Variants in FAT2 observed in about 807,000 individuals in gnomAD.
The protein encoded by FAT2 is FAT atypical cadherin 2.
A neutral mutation model predicts 295.3 loss-of-function variants in FAT2; 150 were observed. That is an observed-to-expected ratio of 0.51 (90% CI 0.44 to 0.58). The LOEUF (loss-of-function observed/expected upper bound fraction) is 0.58, where lower values mean the gene tolerates loss of function less well. Among genes scored for constraint, FAT2 ranks in the 20% least tolerant of loss-of-function variants. The pLI is 0.00. For synonymous variants in FAT2, 2,026 were observed against 2,150.3 expected (o/e 0.94, Z 1.60); for missense variants, 4,868 against 5,442.7 (o/e 0.89, Z 3.32).
intron 22 of FAT2, 143 bp downstream of exon 22, chr5:151,509,878 A>C: frequency 2.1e-6 from 2 of 933,524 alleles, no homozygotes; most frequent in Non-Finnish European, 3.2e-6. Flanking sequence ...GTTGGGGACC[A>C]CTGCCCTAAC....
At chr5:151,572,549 G>C (rs1007790319) in intron 1 of FAT2, among the ~76,000 whole-genome samples, 1 of 152,166 alleles carries the variant, frequency 6.6e-6, no homozygotes, top group East Asian at 1.9e-4. Flanking sequence ...ACCTTAGAAA[G>C]TTACTCAATA....
chr5:151,567,180 C>A lies in FAT2; in HGVS notation c.1752G>T (p.Met584Ile), dbSNP rs1458465097. ...CATCCACATCTATGGCTGACATAGT[C>A]ATTATCGATTTCCCTACTGGCCAGT... is the stretch of plus-strand genomic sequence containing the variant. ...RQDWPVGKSIMTMSAIDVDEL... is the reference protein window; with the variant it reads ...RQDWPVGKSIITMSAIDVDEL... The change falls in exon 2 of 24, where the codon ATG becomes ATT. Residue 584 changes from methionine (M) to isoleucine (I), a missense_variant. Physicochemically the swap from Met to Ile is conservative, Grantham distance 10. Coordinates refer to ENST00000261800, the MANE Select transcript of FAT2 (RefSeq NM_001447.3). 6.2e-7 allele frequency: 1 copy of A among 1,614,164 alleles called. No homozygotes were observed. Among genetic ancestry groups the A allele is most frequent in the South Asian group, 1.1e-5 (1 of 91,074 alleles).
At chr5:151,541,094 A>G (rs572967116) in intron 10 of FAT2, among the ~76,000 whole-genome samples, 1 of 152,370 alleles carries the variant, frequency 6.6e-6, no homozygotes, top group Admixed American at 6.5e-5. Context: ...ATAAATGTCT[A>G]AGATGCATAG....
intron 1 of FAT2, among the ~76,000 whole-genome samples, chr5:151,573,153 C>T (rs1758602901): frequency 6.6e-6 from 1 of 152,230 alleles, no homozygotes; most frequent in African/African-American, 2.4e-5. Flanking sequence ...GCTAACAACA[C>T]ACAGGCTCTG....
intron 1 of FAT2, among the ~76,000 whole-genome samples, chr5:151,584,561 C>T (rs1222192731): frequency 1.3e-5 from 2 of 152,190 alleles, no homozygotes; most frequent in African/African-American, 2.4e-5. Context: ...TTAGTACTCC[C>T]TTGGCTGCAC....
In FAT2 at chr5:151,568,554, C is replaced by G. The variant is rs1758390317; in HGVS notation, c.378G>C (p.Leu126Phe). 2 of 1,614,124 alleles carry G rather than the reference C, an allele frequency of 1.2e-6. No individual in the cohort carries two copies. Among genetic ancestry groups the G allele is most frequent in the African/African-American group, 1.3e-5 (1 of 75,032 alleles). ...CCACACGGGTCAAAGCTTCCAACTC[C>G]AAGGTCTTCTCTGTGGCTTGGATGA... The part of the protein sequence containing the change: ...TLIIQATEKT[L>F]ELEALTRVVV... The change falls in exon 2 of 24, where the codon TTG becomes TTC. Residue 126 changes from leucine to phenylalanine, a missense_variant. Around this residue, in one of 5 missense-constraint regions of FAT2, gnomAD observed 3,297 missense variants for 3,669.4 expected, o/e 0.90. Transcript: ENST00000261800.
rs1465673728 is a variant in FAT2, at chr5:151,506,071, G to A, written c.12544C>T (p.Pro4182Ser). 4 of 1,533,480 alleles carry A rather than the reference G, an allele frequency of 2.6e-6. No homozygotes were observed. In the South Asian group the frequency reaches 3.9e-5, roughly 15 times the overall value. The allele number at this position is 1,533,480 out of a possible 1,614,324, so 95.0% of individuals were successfully genotyped here. The change falls in exon 24 of 24, where the codon CCC (proline) becomes TCC (serine). Residue 4182 changes from proline (P) to serine (S), a missense_variant. Around this residue, in one of 5 missense-constraint regions of FAT2, gnomAD observed 492 missense variants for 482.6 expected, o/e 1.02. Coordinates refer to ENST00000261800, the MANE Select transcript of FAT2 (RefSeq NM_001447.3). ...CGTTCGTTCCTGGAGTAAGTAGGGG[G>A]CCAGACCATGGCTCCGCCAGGGTAC... ...MVYPGGAMVW[P>S]PTYSRNERWE...
rs79533881 is a variant in FAT2, at chr5:151,542,420, C to T, written c.8707G>A (p.Ala2903Thr). Residue 2903 changes from alanine (A) to threonine (T), a missense_variant, in exon 10 of 24, where the codon GCT becomes ACT. Ala to Thr is a moderately conservative substitution (Grantham distance 58). Around this residue, in one of 5 missense-constraint regions of FAT2, gnomAD observed 3,297 missense variants for 3,669.4 expected, o/e 0.90. Transcript: ENST00000261800. ...QVSITDENDN[A>T]PRFASEEYRG... Reference sequence around the variant, plus strand: ...TACTCTTCAGAAGCAAATCGGGGAGCATTGTCATTCTCATCTGTAATGGAG... The same window carrying T: ...TACTCTTCAGAAGCAAATCGGGGAGTATTGTCATTCTCATCTGTAATGGAG... The T allele has an allele frequency of 6.2e-7, 1 of 1,614,168 alleles. No individual in the cohort carries two copies. The highest frequency in any genetic ancestry group is 8.5e-7 in the Non-Finnish European group (1 of 1,180,034).
intron 1 of FAT2, among the ~76,000 whole-genome samples, chr5:151,582,873 G>T (rs954319268): frequency 2.6e-5 from 4 of 152,112 alleles, no homozygotes; most frequent in African/African-American, 7.2e-5. Flanking sequence ...GGGAACACTG[G>T]CCCTCAAGCA....
At chr5:151,535,617 C>A (rs547204585) in intron 12 of FAT2, among the ~76,000 whole-genome samples, 12 of 152,274 alleles carry the variant, frequency 7.9e-5, no homozygotes, top group Admixed American at 3.3e-4. Flanking sequence ...AAGTGTTTTT[C>A]TGAGTTCTGT....
At chr5:151,508,167 C>T (rs188966973) in intron 22 of FAT2, among the ~76,000 whole-genome samples, 7 of 152,178 alleles carry the variant, frequency 4.6e-5, no homozygotes, top group Non-Finnish European at 1.0e-4. Context: ...ACTTCTGTGG[C>T]CAGCTTTATC....
rs1299249819 is a variant in FAT2, at chr5:151,521,874, G to A, written c.10719C>T (p.Thr3573=). ...CACCCACTGAGAAGTGCCTGCCCAG[G>A]GTCTCCTCTTCTGCCAGGCTATAGG... ...TLTYSLAEEE[T]LGRHFSVGAP... is the part of the protein sequence containing the mutation. The change falls in exon 19 of 24, where the codon ACC becomes ACT. Residue 3573 remains threonine (T), a synonymous_variant. Coordinates refer to ENST00000261800, the MANE Select transcript of FAT2 (RefSeq NM_001447.3). 1.2e-6 allele frequency: 2 copies of A among 1,614,000 alleles called. No homozygotes were observed. Among genetic ancestry groups the A allele is most frequent in the Admixed American group, 1.7e-5 (1 of 60,006 alleles).
chr5:151,514,125 A>C (rs1440864582), intron 20 of FAT2, among the ~76,000 whole-genome samples: 1 of 152,224 alleles, frequency 6.6e-6, no homozygotes, highest in Non-Finnish European at 1.5e-5. Context: ...ACCACCTCTC[A>C]GATTTTTGCC....
At chr5:151,594,710 T>C (rs1338195717), upstream of FAT2, among the ~76,000 whole-genome samples, 1 of 152,188 alleles carries the variant, frequency 6.6e-6, no homozygotes, top group Non-Finnish European at 1.5e-5. Context: ...TCCTGGACTT[T>C]TCTTTCTAGA....
chr5:151,566,314 C>CCAG lies in FAT2; in HGVS notation c.2615_2617dup (p.Thr872_Gly873insAla). The CCAG allele has an allele frequency of 6.2e-7, 1 of 1,614,010 alleles. No homozygotes were observed. On this transcript the variant is annotated inframe_insertion, in exon 2 of 24. Coordinates refer to ENST00000261800, the MANE Select transcript of FAT2 (RefSeq NM_001447.3). The stretch of plus-strand genomic sequence containing the variant: ...CAGGTGTCCTGTAACAACCAGTTCC[C>CCAG]CAGTGAGAGGGTGGAGGGAGAACTT...
intron 22 of FAT2, among the ~76,000 whole-genome samples, chr5:151,508,978 C>A (rs78163831): frequency 0.041 from 6,311 of 152,188 alleles, 136 homozygotes; most frequent in Non-Finnish European, 0.049. Context: ...TCTTTAAAGG[C>A]TCCCAAGTTT....
chr5:151,560,644 G>A (rs375247158), intron 3 of FAT2, among the ~76,000 whole-genome samples: 4 of 152,248 alleles, frequency 2.6e-5, no homozygotes, highest in South Asian at 4.1e-4. Context: ...CATAGTTTAC[G>A]ATGTTATGCC....
chr5:151,527,490 C>A, intron 16 of FAT2, 113 bp from the exon 17 acceptor site: 1 of 1,034,280 alleles, frequency 9.7e-7, no homozygotes, highest in Non-Finnish European at 1.3e-6. Flanking sequence ...CTTTCCTATG[C>A]CCACCCCCAC....
At position 151,545,398 on chromosome 5, in the gene FAT2, C is replaced by G. The variant is rs2127612056; in HGVS notation, c.5729G>C (p.Gly1910Ala). Residue 1910 changes from glycine to alanine, a missense_variant, in exon 10 of 24, where the codon GGC becomes GCC. Around this residue, in one of 5 missense-constraint regions of FAT2, gnomAD observed 3,297 missense variants for 3,669.4 expected, o/e 0.90. Transcript: ENST00000261800. ...GATGGTAACAGCTTCATCAGCATTG[C>G]CAGTTTTGATGCTATAATTGACTTC... ...DSEVNYSIKT[G>A]NADEAVTIHP... 1 of 1,614,146 alleles carries G rather than the reference C, an allele frequency of 6.2e-7. No homozygotes were observed. Among genetic ancestry groups the G allele is most frequent in the East Asian group, 2.2e-5 (1 of 44,888 alleles).
Sources: allele counts gnomAD v4.1 joint callset (sites outside exome capture counted in the v4.1 genomes callset), GRCh38; gene constraint gnomAD v4.1.1; regional missense constraint gnomAD v4.1.1; transcripts MANE v1.5; gene names NCBI Gene and HGNC (gene_info 2026-07-23, HGNC 2026-07-21).